TMTC4: variants seen among roughly 807,000 people sequenced by gnomAD.
The protein encoded by TMTC4 is transmembrane O-mannosyltransferase targeting cadherins 4, also known as protein O-mannosyl-transferase TMTC4.
Under a neutral mutation model 86.0 loss-of-function variants are expected in TMTC4, and 65 were observed. That is an observed-to-expected ratio of 0.76 (90% CI 0.62 to 0.93). The LOEUF (loss-of-function observed/expected upper bound fraction) is 0.93. TMTC4 is among the 40% of genes least tolerant of loss of function. TMTC4 has a pLI of 0.00. For synonymous variants in TMTC4, 379 were observed against 382.5 expected (o/e 0.99, Z 0.11); for missense variants, 866 against 948.1 (o/e 0.91, Z 1.14).
At chr13:100,649,603 C>T (rs999226998) in intron 6 of TMTC4, among the ~76,000 whole-genome samples, 1 of 152,074 alleles carries the variant, frequency 6.6e-6, no homozygotes, top group Non-Finnish European at 1.5e-5. Flanking sequence ...TACTATATTA[C>T]ATTTTTCTTG....
intron 15 of TMTC4, among the ~76,000 whole-genome samples, chr13:100,620,828 AAAAC>A (rs140760914): frequency 0.021 from 3,218 of 152,214 alleles, 81 homozygotes; most frequent in African/African-American, 0.058. Flanking sequence ...GTGATTTCTT[AAAAC>A]AAACAAACAA....
chr13:100,604,980 T>C lies in TMTC4; in HGVS notation c.*14A>G. On this transcript the variant is annotated 3_prime_UTR_variant, in exon 19 of 19. Coordinates refer to ENST00000342624, the MANE Select transcript of TMTC4 (RefSeq NM_032813.5). ...CACACACACACTCAAACTCAAAACA[T>C]GAAGGAAACAGGATCAGACAGCTTT... The C allele has an allele frequency of 6.2e-7, 1 of 1,611,262 alleles. No homozygotes were observed. The highest frequency in any genetic ancestry group is 8.5e-7 in the Non-Finnish European group (1 of 1,178,912).
At chr13:100,642,138 AG>A in intron 7 of TMTC4, 72 bp downstream of exon 7, 2 of 1,512,830 alleles carry the variant, frequency 1.3e-6, no homozygotes, top group East Asian at 4.5e-5. Flanking sequence ...AGGCAGGGCC[AG>A]CCCCAGATGT....
intron 15 of TMTC4, among the ~76,000 whole-genome samples, chr13:100,621,195 C>G (rs1456502204): frequency 4.6e-5 from 7 of 152,178 alleles, no homozygotes; most frequent in Non-Finnish European, 7.3e-5. Flanking sequence ...CTCCGTTCCT[C>G]CCTTTGGACA....
chr13:100,668,553 T>C, intron 3 of TMTC4, 26 bp downstream of exon 3: 1 of 1,607,288 alleles, frequency 6.2e-7, no homozygotes, highest in Non-Finnish European at 8.5e-7. Flanking sequence ...CAGTTAAGTT[T>C]ACCAGAAAAG....
intron 6 of TMTC4, among the ~76,000 whole-genome samples, chr13:100,649,762 AAAATAAAT>A (rs3059451): frequency 5.1e-4 from 76 of 148,770 alleles, no homozygotes; most frequent in South Asian, 1.5e-3. Context: ...ATTCTTCTTC[AAAATAAAT>A]AAATAAATAA....
chr13:100,672,192 GT>G (rs1887200585), intron 1 of TMTC4, among the ~76,000 whole-genome samples: 1 of 152,230 alleles, frequency 6.6e-6, no homozygotes, highest in African/African-American at 2.4e-5. Flanking sequence ...GCGCACCCAT[GT>G]TGCCAGTGTT....
chr13:100,670,335 A>T, intron 2 of TMTC4, 25 bp downstream of exon 2: 1 of 1,607,762 alleles, frequency 6.2e-7, no homozygotes, highest in Non-Finnish European at 8.5e-7. Context: ...AGATGGAGAC[A>T]GATCCAACAG....
chr13:100,668,216 G>GT (rs34960647), intron 3 of TMTC4: 100,399 of 157,682 alleles, frequency 0.64, 32,435 homozygotes, highest in Admixed American at 0.72. Context: ...TGCGTGATGG[G>GT]TTTTTTTTTT....
At chr13:100,631,138 T>G (rs1279534596) in intron 12 of TMTC4, among the ~76,000 whole-genome samples, 1 of 152,246 alleles carries the variant, frequency 6.6e-6, no homozygotes, top group East Asian at 1.9e-4. Context: ...ACTTTCCCCC[T>G]AGCATTTGTG....
intron 12 of TMTC4, among the ~76,000 whole-genome samples, chr13:100,627,692 G>A (rs893321928): frequency 1.3e-5 from 2 of 152,154 alleles, no homozygotes; most frequent in Non-Finnish European, 1.5e-5. Context: ...TCCAAAAAAA[G>A]GTTATACATT....
intron 15 of TMTC4, among the ~76,000 whole-genome samples, chr13:100,618,451 CT>C (rs1204044849): frequency 1.2e-5 from 1 of 82,438 alleles, no homozygotes; most frequent in Non-Finnish European, 2.9e-5. Flanking sequence ...TTTGTTGCTT[CT>C]TGTTTTTTTT....
In TMTC4 at chr13:100,605,739, C is replaced by T. The variant is rs915011711; in HGVS notation, c.2135-597G>A. ...ATATGGGCAGAAGAGCATCTGTGGA[C>T]GCTTTTTGGCTTTTGTGAAGAGAAG... On this transcript the variant is annotated intron_variant, in intron 18 of 18. Coordinates refer to ENST00000342624, the MANE Select transcript of TMTC4 (RefSeq NM_032813.5). The surrounding 1 kb of genome is among the most constrained non-coding windows in gnomAD (Gnocchi z 4.3). 4.6e-5 allele frequency among the ~76,000 whole-genome samples: 7 copies of T among 152,074 alleles called. No individual in the cohort carries two copies. The highest frequency in any genetic ancestry group is 2.1e-4 in the South Asian group (1 of 4,828).
chr13:100,674,657 G>T (rs1887612036), intron 1 of TMTC4, 87 bp downstream of exon 1: 1 of 982,566 alleles, frequency 1.0e-6, no homozygotes, highest in South Asian at 4.7e-5. Context: ...GGGACACGGC[G>T]GCAGCGGGGA....
intron 3 of TMTC4, among the ~76,000 whole-genome samples, chr13:100,668,021 A>T (rs965072741): frequency 5.9e-5 from 9 of 152,208 alleles, no homozygotes; most frequent in African/African-American, 1.9e-4. Context: ...AGCAACACCG[A>T]ATCTCCAAAC....
At chr13:100,647,587 A>G (rs1883921284) in intron 6 of TMTC4, among the ~76,000 whole-genome samples, 1 of 152,252 alleles carries the variant, frequency 6.6e-6, no homozygotes, top group Non-Finnish European at 1.5e-5. Flanking sequence ...TCTGCCTAGA[A>G]AAACGGAATT....
chr13:100,665,166 G>A (rs1232968894), intron 3 of TMTC4, among the ~76,000 whole-genome samples: 1 of 152,122 alleles, frequency 6.6e-6, no homozygotes, highest in African/African-American at 2.4e-5. Flanking sequence ...CTATACTACA[G>A]ATGTTTAAAA....
chr13:100,610,830 G>A (rs144778650), intron 17 of TMTC4, among the ~76,000 whole-genome samples: 48 of 152,310 alleles, frequency 3.2e-4, no homozygotes, highest in African/African-American at 9.9e-4. Flanking sequence ...CACTGGAGGA[G>A]AACTGAGACT....
At position 100,612,180 on chromosome 13, in the gene TMTC4, C is replaced by A. The variant is rs77741253; in HGVS notation, c.2064+218G>T. On this transcript the variant is annotated intron_variant, in intron 17 of 18. Coordinates refer to ENST00000342624, the MANE Select transcript of TMTC4 (RefSeq NM_032813.5). ...TTCTCTTCCTCTCTCCACGTGTGAA[C>A]CACAGTGGTTAATTCTGATGAGAAA... Among the ~76,000 whole-genome samples, 284 of 152,378 alleles carry A rather than the reference C, an allele frequency of 1.9e-3. 4 individuals are homozygous for A. The East Asian group carries it at 0.031, about 17-fold the overall frequency.
Sources: gnomAD v4.1 joint callset for allele counts (sites outside exome capture counted in the v4.1 genomes callset) on GRCh38, gnomAD v4.1.1 for gene constraint, Gnocchi (gnomAD v3.1) non-coding constraint, MANE v1.5 for transcripts, NCBI Gene and HGNC (gene_info 2026-07-23, HGNC 2026-07-21) for gene names.